ANO10: variants seen among roughly 807,000 people sequenced by gnomAD.
ANO10 encodes the protein anoctamin 10.
Under a neutral mutation model 74.7 loss-of-function variants are expected in ANO10, and 77 were observed. That is an observed-to-expected ratio of 1.03 (90% CI 0.86 to 1.25). The LOEUF (loss-of-function observed/expected upper bound fraction) is 1.25, where lower values mean the gene tolerates loss of function less well. Among genes scored for constraint, ANO10 ranks in the 50% most tolerant of loss-of-function variants. The pLI is 0.00. For synonymous variants in ANO10, 279 were observed against 284.9 expected, an observed-to-expected ratio of 0.98 and a Z score of 0.21; for missense variants, 721 against 778.1, an observed-to-expected ratio of 0.93 and a Z score of 0.87.
At chr3:43,673,085 G>A (rs1210864931) in intron 1 of ANO10, among the ~76,000 whole-genome samples, 1 of 152,214 alleles carries the variant, frequency 6.6e-6, no homozygotes, top group African/African-American at 2.4e-5. Context: ...TTTTCCAGCT[G>A]TGTGCATAGA....
rs747663849 is a variant in ANO10, at chr3:43,580,366, C to G, written c.579G>C (p.Lys193Asn). Residue 193 changes from lysine to asparagine, a missense_variant, in exon 5 of 13, where the codon AAG (lysine) becomes AAC (asparagine). By Grantham distance (94) the Lys-to-Asn change is moderately conservative. Coordinates refer to ENST00000292246, the MANE Select transcript of ANO10 (RefSeq NM_018075.5). The part of the protein sequence containing the change: ...EDTWYTRFAL[K>N]YQPIDSIRGY... ...ACTGACACATACCTATGGGCTGATA[C>G]TTCAAAGCAAACCGAGTGTACCAGG... 1 of 1,613,878 alleles carries G rather than the reference C, an allele frequency of 6.2e-7. No homozygotes were observed. The highest frequency in any genetic ancestry group is 2.2e-5 in the East Asian group (1 of 44,872).
intron 1 of ANO10, among the ~76,000 whole-genome samples, chr3:43,659,432 G>A (rs1431521089): frequency 2.6e-5 from 4 of 152,106 alleles, no homozygotes; most frequent in Admixed American, 6.6e-5. Flanking sequence ...TGGGTCCCAC[G>A]CCCACGGAGC....
intron 1 of ANO10, among the ~76,000 whole-genome samples, chr3:43,629,227 C>A (rs372665618): frequency 2.0e-5 from 3 of 152,050 alleles, no homozygotes; most frequent in Non-Finnish European, 4.4e-5. Context: ...GGGCAGGTTC[C>A]CCGATAAGGA....
chr3:43,497,176 T>C (rs2076947300), intron 11 of ANO10, among the ~76,000 whole-genome samples: 1 of 152,220 alleles, frequency 6.6e-6, no homozygotes, highest in Non-Finnish European at 1.5e-5. Flanking sequence ...GGAGGGTAAA[T>C]GTGTGAGTAA....
Position 43,406,407 on chromosome 3 carries a change from C to T in ANO10, c.1914+26204G>A, listed in dbSNP as rs150112074. Among the ~76,000 whole-genome samples, 5 of 152,226 alleles carry T rather than the reference C, an allele frequency of 3.3e-5. No individual in the cohort carries two copies. In the East Asian group the frequency reaches 5.8e-4, roughly 18 times the overall value. On this transcript the variant is annotated intron_variant, in intron 12 of 12. Transcript: ENST00000292246. ...ATATCATGACGACATTTTTTAGAGG[C>T]GCATTTTCAAGTGTTGTGAGCCAAT...
At chr3:43,685,523 A>T (rs2084264101) in intron 1 of ANO10, among the ~76,000 whole-genome samples, 1 of 152,214 alleles carries the variant, frequency 6.6e-6, no homozygotes, top group South Asian at 2.1e-4. Flanking sequence ...CTCTATGTGC[A>T]CATGAGAAAG....
At chr3:43,385,759 G>T (rs555789574) in intron 12 of ANO10, among the ~76,000 whole-genome samples, 5 of 144,592 alleles carry the variant, frequency 3.5e-5, no homozygotes, top group African/African-American at 7.7e-5. Context: ...GGGAAAGGAT[G>T]GGGGGGAAGG....
chr3:43,446,188 G>A (rs2093243629), intron 11 of ANO10, among the ~76,000 whole-genome samples: 1 of 152,184 alleles, frequency 6.6e-6, no homozygotes, highest in African/African-American at 2.4e-5. Context: ...AGAGCATGTG[G>A]ATTCAGGAAG....
intron 11 of ANO10, among the ~76,000 whole-genome samples, chr3:43,538,864 T>C (rs2078832972): frequency 6.6e-6 from 1 of 152,148 alleles, no homozygotes; most frequent in Non-Finnish European, 1.5e-5. Flanking sequence ...AAGTTCAATC[T>C]CACAATAAGA....
intron 9 of ANO10, among the ~76,000 whole-genome samples, chr3:43,556,253 C>G (rs1372964639): frequency 6.6e-6 from 1 of 152,174 alleles, no homozygotes; most frequent in African/African-American, 2.4e-5. Flanking sequence ...CTTAAGAAAT[C>G]CTGATACCCT....
chr3:43,428,796 C>CAAAAGAAAAA (rs2092936614), intron 12 of ANO10, among the ~76,000 whole-genome samples: 1 of 55,424 alleles, frequency 1.8e-5, no homozygotes, highest in Non-Finnish European at 3.2e-5. Context: ...TTTGTGAATG[C>CAAAAGAAAAA]AAAAAAAAAA....
At chr3:43,388,215 C>T (rs1343710525) in intron 12 of ANO10, among the ~76,000 whole-genome samples, 1 of 152,134 alleles carries the variant, frequency 6.6e-6, no homozygotes, top group Non-Finnish European at 1.5e-5. Context: ...CACCAGGTTC[C>T]TCCTGAGTGT....
At chr3:43,450,911 G>A (rs1037783992) in intron 11 of ANO10, among the ~76,000 whole-genome samples, 2 of 152,100 alleles carry the variant, frequency 1.3e-5, no homozygotes, top group African/African-American at 4.8e-5. Flanking sequence ...TTCTATAAAT[G>A]GATTAGGTAT....
intron 1 of ANO10, among the ~76,000 whole-genome samples, chr3:43,646,276 T>A (rs1196926932): frequency 2.0e-5 from 3 of 152,178 alleles, no homozygotes. Flanking sequence ...GAGTTCTAAT[T>A]CCCATGCTTC....
intron 4 of ANO10, among the ~76,000 whole-genome samples, chr3:43,582,956 C>G (rs1281794092): frequency 6.6e-6 from 1 of 152,192 alleles, no homozygotes; most frequent in Non-Finnish European, 1.5e-5. Flanking sequence ...TTCCTTCTTC[C>G]TATCACTACT....
intron 1 of ANO10, among the ~76,000 whole-genome samples, chr3:43,643,765 G>A (rs1386368506): frequency 6.8e-6 from 1 of 147,328 alleles, no homozygotes; most frequent in Non-Finnish European, 1.5e-5. Flanking sequence ...CTCACTGCAA[G>A]CTCTGCCTCC....
intron 11 of ANO10, among the ~76,000 whole-genome samples, chr3:43,438,601 G>A (rs966057780): frequency 6.6e-6 from 1 of 152,074 alleles, no homozygotes; most frequent in Non-Finnish European, 1.5e-5. Context: ...AAAAAATTTA[G>A]CTGGGCGTGG....
chr3:43,598,188 A>G (rs2082176963), intron 4 of ANO10, among the ~76,000 whole-genome samples: 1 of 152,072 alleles, frequency 6.6e-6, no homozygotes, highest in Non-Finnish European at 1.5e-5. Context: ...GCTCCAGGAA[A>G]ACACCATGTC....
In ANO10 at chr3:43,577,337, C is replaced by G; in HGVS notation, c.593-76G>C. 2.1e-6 allele frequency: 3 copies of G among 1,417,588 alleles called. No homozygotes were observed. In the South Asian group the frequency reaches 3.7e-5, roughly 17 times the overall value. 87.8% of individuals were successfully genotyped at this position (1,417,588 alleles called of 1,614,324 possible). ...AAAAATCATTTCAAGTACGCTTATT[C>G]ATTTTTTAGTTAAGTGGGGATCATT... is the stretch of plus-strand genomic sequence containing the variant. On this transcript the variant is annotated intron_variant, in intron 5 of 12. Coordinates refer to ENST00000292246, the MANE Select transcript of ANO10 (RefSeq NM_018075.5).
Sources: gnomAD v4.1 joint callset for allele counts (sites outside exome capture counted in the v4.1 genomes callset) on GRCh38, gnomAD v4.1.1 for gene constraint, MANE v1.5 for transcripts, NCBI Gene and HGNC (gene_info 2026-07-23, HGNC 2026-07-21) for gene names.